Variants in MMUT observed in about 807,000 individuals in gnomAD.
The protein encoded by MMUT is methylmalonyl-CoA mutase, mitochondrial.
MMUT carries 79 observed loss-of-function variants against 79.9 expected under a neutral mutation model. The observed-to-expected ratio is 0.99, with a 90% CI of 0.82 to 1.19. The LOEUF is 1.19. MMUT is among the 50% of genes most tolerant of loss of function. MMUT has a pLI of 0.00. For synonymous variants in MMUT, 273 were observed against 295.7 expected (o/e 0.92, Z 0.79); for missense variants, 860 against 917.2 (o/e 0.94, Z 0.81).
Position 49,457,744 on chromosome 6 carries a change from G to A in MMUT, c.700C>T (p.Pro234Ser), listed in dbSNP as rs1442489589. The part of the protein sequence containing the change: ...EFMVRNTYIF[P>S]PEPSMKIIAD... ...ATAATTTTCATGGATGGTTCTGGAG[G>A]AAAAATGTATGTATTTCGAACCATA... The change falls in exon 3 of 13, where the codon CCT (proline) becomes TCT (serine). Residue 234 changes from proline to serine, a missense_variant. By Grantham distance (74) the Pro-to-Ser change is moderately conservative. Transcript: ENST00000274813. The A allele has an allele frequency of 2.5e-6, 4 of 1,612,242 alleles. No individual in the cohort carries two copies. Among genetic ancestry groups the A allele is most frequent in the Non-Finnish European group, 3.4e-6 (4 of 1,178,826 alleles).
At chr6:49,462,029 A>G (rs1767863154) in intron 1 of MMUT, among the ~76,000 whole-genome samples, 1 of 152,210 alleles carries the variant, frequency 6.6e-6, no homozygotes, top group Admixed American at 6.5e-5. Flanking sequence ...AAATCTGAAC[A>G]ACTAATAGGA....
At chr6:49,460,291 A>T (rs773256322) in intron 1 of MMUT, among the ~76,000 whole-genome samples, 2 of 152,166 alleles carry the variant, frequency 1.3e-5, no homozygotes, top group African/African-American at 2.4e-5. Context: ...TCCTTATTTT[A>T]CAGATTAGGA....
At chr6:49,447,019 G>A (rs1767426704) in intron 8 of MMUT, among the ~76,000 whole-genome samples, 1 of 151,656 alleles carries the variant, frequency 6.6e-6, no homozygotes, top group Non-Finnish European at 1.5e-5. Context: ...AAAATATATA[G>A]GTTACAACAG....
intron 10 of MMUT, among the ~76,000 whole-genome samples, chr6:49,440,811 AG>A (rs1767254695): frequency 2.0e-5 from 3 of 152,348 alleles, no homozygotes; most frequent in African/African-American, 7.2e-5. Flanking sequence ...TTCGTGAGCC[AG>A]GGTACAGAGT....
intron 2 of MMUT, 48 bp downstream of exon 2, chr6:49,459,034 G>A (rs1767764965): frequency 6.4e-7 from 1 of 1,566,332 alleles, no homozygotes; most frequent in South Asian, 1.1e-5. Context: ...AAAAAACTAG[G>A]AGGCATATGA....
intron 12 of MMUT, among the ~76,000 whole-genome samples, chr6:49,434,951 A>G (rs1184535721): frequency 6.6e-6 from 1 of 152,190 alleles, no homozygotes; most frequent in Non-Finnish European, 1.5e-5. Context: ...CTGAGGTAAG[A>G]TAACATTTAG....
intron 12 of MMUT, among the ~76,000 whole-genome samples, chr6:49,434,519 C>T (rs541213595): frequency 3.9e-5 from 6 of 152,112 alleles, no homozygotes; most frequent in Non-Finnish European, 8.8e-5. Flanking sequence ...GCCTTTGCAG[C>T]TAGCATCTAT....
chr6:49,437,177 A>G (rs1316682111), intron 11 of MMUT, among the ~76,000 whole-genome samples: 2 of 152,198 alleles, frequency 1.3e-5, no homozygotes, highest in African/African-American at 4.8e-5. Flanking sequence ...TAAATTTAAT[A>G]TTCATCGTTA....
Position 49,435,562 on chromosome 6 carries a change from G to T in MMUT, c.2018C>A (p.Thr673Asn), listed in dbSNP as rs1767100098. The change falls in exon 12 of 13, where the codon ACC (threonine) becomes AAC (asparagine). Residue 673 changes from threonine (T) to asparagine (N), a missense_variant. Thr to Asn is a moderately conservative substitution (Grantham distance 65). Coordinates refer to ENST00000274813, the MANE Select transcript of MMUT (RefSeq NM_000255.4). ...TAGGGTTTTATGACCAGCAGCGAGG[G>T]TGCTTATGCCCACAGCATGCACATC... is the stretch of plus-strand genomic sequence containing the variant. ...DADVHAVGIS[T>N]LAAGHKTLVP... 1.2e-6 allele frequency: 2 copies of T among 1,613,972 alleles called. No individual in the cohort carries two copies. Among genetic ancestry groups the T allele is most frequent in the African/African-American group, 2.7e-5 (2 of 74,924 alleles).
chr6:49,457,655 A>AAAT, intron 3 of MMUT, 36 bp downstream of exon 3: 1 of 1,564,326 alleles, frequency 6.4e-7, no homozygotes. Flanking sequence ...ACATTCAAGG[A>AAAT]ACTATAGAAA....
intron 4 of MMUT, among the ~76,000 whole-genome samples, chr6:49,454,998 A>T (rs1217946909): frequency 6.6e-6 from 1 of 152,196 alleles, no homozygotes; most frequent in Admixed American, 6.5e-5. Flanking sequence ...ATGAGCAGTG[A>T]TCATGCCATT....
chr6:49,441,162 G>A (rs924228775), intron 10 of MMUT, among the ~76,000 whole-genome samples: 2 of 152,080 alleles, frequency 1.3e-5, no homozygotes, highest in African/African-American at 4.8e-5. Flanking sequence ...ACAGAGGTTG[G>A]AAAGACCAAT....
intron 12 of MMUT, among the ~76,000 whole-genome samples, chr6:49,433,351 T>C (rs1488323386): frequency 6.6e-6 from 1 of 152,078 alleles, no homozygotes; most frequent in East Asian, 1.9e-4. Context: ...ATGTTGCAAC[T>C]GAAAAAAGGG....
At chr6:49,435,718 A>T (rs1767105682) in intron 11 of MMUT, 95 bp from the exon 12 acceptor site, 1 of 1,296,998 alleles carries the variant, frequency 7.7e-7, no homozygotes, top group African/African-American at 1.5e-5. Context: ...CATTCAGAAC[A>T]TACTAATGGG....
rs1561948662 is a variant in MMUT at position 49,431,516 on chromosome 6, GT to G, written c.*211del. Reference sequence around the variant, plus strand: ...AGTATTGTTATAGAGAGTATAGAGAGTTTTTAGGGATTTTTTTTTTATTTTT... The same window carrying G: ...AGTATTGTTATAGAGAGTATAGAGAGTTTTAGGGATTTTTTTTTTATTTTT... On this transcript the variant is annotated 3_prime_UTR_variant, in exon 13 of 13. Coordinates refer to ENST00000274813, the MANE Select transcript of MMUT (RefSeq NM_000255.4). 4.5e-6 allele frequency: 2 copies of G among 443,918 alleles called. No individual in the cohort carries two copies. Among genetic ancestry groups the G allele is most frequent in the South Asian group, 2.5e-5 (1 of 40,796 alleles). 27.5% of individuals were successfully genotyped at this position (443,918 alleles called of 1,614,324 possible).
chr6:49,431,566 T>G lies in MMUT; in HGVS notation c.*162A>C, dbSNP rs886061557. ...TTGAAGTGAAACTGTATGTACATAC[T>G]TATAGCATGACACCAGGCCTATAAG... On this transcript the variant is annotated 3_prime_UTR_variant, in exon 13 of 13. Coordinates refer to ENST00000274813, the MANE Select transcript of MMUT (RefSeq NM_000255.4). 3 of 669,044 alleles carry G rather than the reference T, an allele frequency of 4.5e-6. No homozygotes were observed. The highest frequency in any genetic ancestry group is 6.0e-5 in the East Asian group (2 of 33,510). 41.4% of individuals were successfully genotyped at this position (669,044 alleles called of 1,614,324 possible). A position where few individuals can be genotyped will look rare whatever the true frequency, so the allele number is the denominator to read the frequency against.
rs566780363 is a variant in MMUT, at chr6:49,430,588, T to C, written c.*1140A>G. ...CATATTCTGAAAATTAAATACATTG[T>C]ATTACAATGAGTTTGTAAATTCTAC... On this transcript the variant is annotated 3_prime_UTR_variant, in exon 13 of 13. Coordinates refer to ENST00000274813, the MANE Select transcript of MMUT (RefSeq NM_000255.4). 19 of 150,448 alleles carry C rather than the reference T, an allele frequency of 1.3e-4. No homozygotes were observed. Among genetic ancestry groups the C allele is most frequent in the Non-Finnish European group, 2.4e-4 (16 of 67,632 alleles). The allele number at this position is 150,448 out of a possible 1,614,324, so 9.3% of individuals were successfully genotyped here.
At chr6:49,455,928 T>G (rs891510987) in intron 4 of MMUT, 152 bp downstream of exon 4, 2 of 654,738 alleles carry the variant, frequency 3.1e-6, no homozygotes, top group Non-Finnish European at 4.9e-6. Flanking sequence ...TTATTAGAAA[T>G]ATTGGCTTTT....
At chr6:49,456,295 A>G in intron 3 of MMUT, 58 bp from the exon 4 acceptor site, 1 of 1,183,318 alleles carries the variant, frequency 8.5e-7, no homozygotes, top group East Asian at 2.4e-5. Context: ...AGGTCCTATT[A>G]AATCCACTTT....
Sources: gnomAD v4.1 joint callset for allele counts (sites outside exome capture counted in the v4.1 genomes callset) on GRCh38, gnomAD v4.1.1 for gene constraint, MANE v1.5 for transcripts, NCBI Gene and HGNC (gene_info 2026-07-23, HGNC 2026-07-21) for gene names.